The following CADM2 variants were observed in gnomAD, a reference collection of about 807,000 sequenced individuals.
CADM2 encodes the protein cell adhesion molecule 2.
In CADM2, 12 loss-of-function variants were observed where a neutral mutation model predicts 49.8. That is an observed-to-expected ratio of 0.24 (90% CI 0.15 to 0.39). The LOEUF is 0.39. CADM2 is among the 10% of genes least tolerant of loss of function. The pLI is 1.00. For missense variants in CADM2, 378 were observed against 492.3 expected (o/e 0.77, Z 2.20); for synonymous variants, 214 against 175.4 (o/e 1.22, Z -1.74).
chr3:85,102,546 T>A (rs2107547649), intron 1 of CADM2, among the ~76,000 whole-genome samples: 1 of 152,242 alleles, frequency 6.6e-6, no homozygotes, highest in Non-Finnish European at 1.5e-5. Context: ...TCTTTCCTGA[T>A]CTCAAAGAAG....
chr3:85,701,975 GA>G (rs2066784337), intron 1 of CADM2, among the ~76,000 whole-genome samples: 1 of 45,760 alleles, frequency 2.2e-5, no homozygotes, highest in Non-Finnish European at 4.8e-5. Flanking sequence ...GATAGACATA[GA>G]TAGATAGATA....
chr3:85,487,209 T>C (rs2039453581), intron 1 of CADM2, among the ~76,000 whole-genome samples: 1 of 152,164 alleles, frequency 6.6e-6, no homozygotes, highest in Non-Finnish European at 1.5e-5. Context: ...GAACAAGTCT[T>C]TTTCCCCTTC....
chr3:85,488,396 AC>A (rs1487343235), intron 1 of CADM2, among the ~76,000 whole-genome samples: 1 of 152,170 alleles, frequency 6.6e-6, no homozygotes, highest in Non-Finnish European at 1.5e-5. Context: ...ATTAAGATCC[AC>A]TAAACATGGT....
intron 1 of CADM2, among the ~76,000 whole-genome samples, chr3:84,962,415 C>G (rs2030624803): frequency 3.2e-5 from 1 of 30,984 alleles, no homozygotes; most frequent in Non-Finnish European, 6.4e-5. Flanking sequence ...AGTTTTTGCT[C>G]AAATTGCTCA....
intron 1 of CADM2, among the ~76,000 whole-genome samples, chr3:84,978,814 A>G (rs189278663): frequency 2.6e-5 from 4 of 152,358 alleles, no homozygotes; most frequent in South Asian, 2.1e-4. Context: ...GAAATTTTAC[A>G]TAAGAAATAT....
chr3:85,037,948 T>C (rs1345528951), intron 1 of CADM2, among the ~76,000 whole-genome samples: 1 of 152,098 alleles, frequency 6.6e-6, no homozygotes, highest in African/African-American at 2.4e-5. Flanking sequence ...CAGGCTAATA[T>C]TAGCCTCACT....
At chr3:85,999,167 A>G (rs1270550952) in intron 8 of CADM2, among the ~76,000 whole-genome samples, 1 of 151,732 alleles carries the variant, frequency 6.6e-6, no homozygotes, top group Non-Finnish European at 1.5e-5. Context: ...ATAGCACCAA[A>G]TGTTTCAGAG....
intron 1 of CADM2, among the ~76,000 whole-genome samples, chr3:85,045,192 C>T (rs575599869): frequency 6.6e-6 from 1 of 152,084 alleles, no homozygotes; most frequent in Non-Finnish European, 1.5e-5. Context: ...TGGAGGAAAT[C>T]CTGAAGCTGA....
At chr3:85,819,939 G>A (rs1161262585) in intron 3 of CADM2, among the ~76,000 whole-genome samples, 1 of 152,024 alleles carries the variant, frequency 6.6e-6, no homozygotes, top group African/African-American at 2.4e-5. Context: ...ACAAAACTTG[G>A]GGAAGAGAGA....
chr3:85,996,330 C>T (rs1468956764), intron 8 of CADM2, among the ~76,000 whole-genome samples: 1 of 127,786 alleles, frequency 7.8e-6, no homozygotes, highest in African/African-American at 2.9e-5. Context: ...GACGGAGTCT[C>T]ACTCTGTCAC....
At chr3:85,103,381 T>C (rs1462147674) in intron 1 of CADM2, among the ~76,000 whole-genome samples, 1 of 151,688 alleles carries the variant, frequency 6.6e-6, no homozygotes, top group Non-Finnish European at 1.5e-5. Flanking sequence ...TAAGAAATAA[T>C]CACTGAGCTT....
chr3:85,111,898 G>A (rs1411440908), intron 1 of CADM2, among the ~76,000 whole-genome samples: 3 of 151,636 alleles, frequency 2.0e-5, no homozygotes, highest in Non-Finnish European at 4.4e-5. Flanking sequence ...GTCATATAAT[G>A]GTTTCTAATT....
Position 85,208,235 on chromosome 3 carries a change from A to C in CADM2, c.61+248567A>C, listed in dbSNP as rs193186924. Among the ~76,000 whole-genome samples the C allele has an allele frequency of 2.1e-3, 321 of 152,286 alleles. 4 individuals are homozygous for C. Among genetic ancestry groups the C allele is most frequent in the Admixed American group, 0.017 (263 of 15,298 alleles). ...TTAATTCGCAGACCTCACAAAACCCAAATTTAATTTGAAGATTTTAAGTAT... is the reference window on the plus strand; with the variant it reads ...TTAATTCGCAGACCTCACAAAACCCCAATTTAATTTGAAGATTTTAAGTAT... On this transcript the variant is annotated intron_variant, in intron 1 of 9. Transcript: ENST00000383699.
intron 6 of CADM2, among the ~76,000 whole-genome samples, chr3:85,916,391 A>T (rs2108491566): frequency 7.3e-6 from 1 of 137,202 alleles, no homozygotes; most frequent in Admixed American, 8.7e-5. Flanking sequence ...CTCATTGTTA[A>T]ATTGCCACCT....
chr3:85,645,815 A>G (rs2064866294), intron 1 of CADM2, among the ~76,000 whole-genome samples: 1 of 151,962 alleles, frequency 6.6e-6, no homozygotes, highest in African/African-American at 2.4e-5. Flanking sequence ...AAAGACAACA[A>G]AAGAAAAACT....
At chr3:85,336,870 T>G (rs1028731748) in intron 1 of CADM2, among the ~76,000 whole-genome samples, 1 of 144,992 alleles carries the variant, frequency 6.9e-6, no homozygotes, top group Admixed American at 7.0e-5. Context: ...CTAAATAAAT[T>G]TATATATATA....
chr3:86,037,456 C>G (rs916724700), intron 8 of CADM2, among the ~76,000 whole-genome samples: 28 of 152,074 alleles, frequency 1.8e-4, no homozygotes, highest in African/African-American at 5.3e-4. Context: ...GCAGGGCAAG[C>G]ACTAAACTAT....
At chr3:85,632,377 C>G (rs1043114668) in intron 1 of CADM2, among the ~76,000 whole-genome samples, 2 of 152,028 alleles carry the variant, frequency 1.3e-5, no homozygotes, top group African/African-American at 4.8e-5. Flanking sequence ...ATGTCATTAT[C>G]AGCAGTGTGA....
chr3:85,770,953 C>T (rs867274258), intron 2 of CADM2, among the ~76,000 whole-genome samples: 8 of 152,122 alleles, frequency 5.3e-5, no homozygotes, highest in East Asian at 1.9e-4. Flanking sequence ...GTCTGGACTT[C>T]GTCGTCTGTG....
Sources: allele counts gnomAD v4.1 joint callset (sites outside exome capture counted in the v4.1 genomes callset), GRCh38; gene constraint gnomAD v4.1.1; transcripts MANE v1.5; gene names NCBI Gene and HGNC (gene_info 2026-07-23, HGNC 2026-07-21).